PRKN: variants seen among roughly 807,000 people sequenced by gnomAD.
PRKN encodes the protein parkin RBR E3 ubiquitin protein ligase.
In PRKN, 56 loss-of-function variants were observed where a neutral mutation model predicts 59.5. The ratio of observed to expected loss-of-function variants is 0.94; its 90% CI spans 0.76 to 1.18. PRKN has a LOEUF of 1.18. PRKN is among the 50% of genes most tolerant of loss of function. The probability of loss-of-function intolerance (pLI) is 0.00; values close to 1 mark genes in which losing one functional copy is unlikely to be tolerated. For missense variants in PRKN, 657 were observed against 596.4 expected (o/e 1.10, Z -1.06); for synonymous variants, 250 against 222.1 (o/e 1.13, Z -1.12).
rs1226818678 is a variant in PRKN at position 161,359,864 on chromosome 6, T to C, written c.1285+224A>G. 6.6e-6 allele frequency among the ~76,000 whole-genome samples: 1 copy of C among 152,196 alleles called. No individual in the cohort carries two copies. The highest frequency in any genetic ancestry group is 6.5e-5 in the Admixed American group (1 of 15,276). ...TTTATTCCCTTTCCAACCACATAAA[T>C]GCTAACTGTGTGCCTCACATAGCCA... On this transcript the variant is annotated intron_variant, in intron 11 of 11. Transcript: ENST00000366898. The surrounding 1 kb of genome is among the most constrained non-coding windows in gnomAD (Gnocchi z 5.4).
At chr6:162,216,968 G>C (rs548282920) in intron 3 of PRKN, among the ~76,000 whole-genome samples, 37 of 152,254 alleles carry the variant, frequency 2.4e-4, no homozygotes, top group African/African-American at 8.9e-4. Flanking sequence ...AATTATACCA[G>C]GTGAAGCCTG....
At chr6:162,427,292 A>C (rs1048653919) in intron 2 of PRKN, among the ~76,000 whole-genome samples, 1 of 152,206 alleles carries the variant, frequency 6.6e-6, no homozygotes, top group African/African-American at 2.4e-5. Context: ...AGCTGAAGTT[A>C]TTGGTGCACA....
intron 2 of PRKN, 83 bp downstream of exon 2, chr6:162,443,227 G>C (rs1474196182): frequency 7.3e-7 from 1 of 1,377,024 alleles, no homozygotes; most frequent in Admixed American, 1.7e-5. Context: ...TAGATCTCAG[G>C]CATGAATGTC....
intron 2 of PRKN, among the ~76,000 whole-genome samples, chr6:162,282,279 A>G (rs1780941925): frequency 6.6e-6 from 1 of 152,188 alleles, no homozygotes; most frequent in Admixed American, 6.5e-5. Context: ...GATCCTGTCC[A>G]TATTACAGTC....
rs983927165 is a variant in PRKN, at chr6:161,457,475, A to G, written c.1084-70598T>C. ...ATACAACTGTATTCTGAAAGGATAC[A>G]TGGATGTCATATAAATAACTCAAAA... On this transcript the variant is annotated intron_variant, in intron 9 of 11. Transcript: ENST00000366898. This position sits in a 1 kb window ranked among gnomAD's most constrained non-coding sequence, Gnocchi z 5.0. Among the ~76,000 whole-genome samples the G allele has an allele frequency of 6.6e-6, 1 of 152,350 alleles. No homozygotes were observed. Among genetic ancestry groups the G allele is most frequent in the East Asian group, 1.9e-4 (1 of 5,186 alleles).
intron 1 of PRKN, among the ~76,000 whole-genome samples, chr6:162,535,366 T>A (rs761426613): frequency 6.6e-6 from 1 of 152,100 alleles, no homozygotes; most frequent in Non-Finnish European, 1.5e-5. Context: ...ATACTTAATA[T>A]TTTGTCCAAT....
intron 7 of PRKN, among the ~76,000 whole-genome samples, chr6:161,580,375 T>A (rs750136503): frequency 2.6e-5 from 4 of 152,156 alleles, no homozygotes; most frequent in Non-Finnish European, 5.9e-5. Context: ...GCGGCTCAGG[T>A]GACTGCACCA....
chr6:161,985,977 C>T (rs1398820933), intron 5 of PRKN, among the ~76,000 whole-genome samples: 1 of 152,202 alleles, frequency 6.6e-6, no homozygotes, highest in Admixed American at 6.5e-5. Context: ...TGGAGGCCTT[C>T]CTTGATCCTG....
At chr6:161,866,314 A>AC (rs1794108271) in intron 6 of PRKN, among the ~76,000 whole-genome samples, 1 of 152,124 alleles carries the variant, frequency 6.6e-6, no homozygotes, top group Admixed American at 6.5e-5. Flanking sequence ...AGTGACTCAC[A>AC]CCTGTAATCC....
intron 1 of PRKN, among the ~76,000 whole-genome samples, chr6:162,484,592 C>T (rs900412696): frequency 2.0e-5 from 3 of 152,152 alleles, no homozygotes; most frequent in Non-Finnish European, 4.4e-5. Context: ...GACACATTAA[C>T]GTAGAGATGT....
At chr6:162,250,938 A>G (rs1779408134) in intron 3 of PRKN, among the ~76,000 whole-genome samples, 1 of 152,154 alleles carries the variant, frequency 6.6e-6, no homozygotes, top group African/African-American at 2.4e-5. Flanking sequence ...AGTCTTCAAT[A>G]ACTTTTTTGT....
chr6:162,361,918 A>T (rs1239719369), intron 2 of PRKN, among the ~76,000 whole-genome samples: 1 of 152,186 alleles, frequency 6.6e-6, no homozygotes, highest in African/African-American at 2.4e-5. Flanking sequence ...AAAAGTACCA[A>T]ATAACCAAAG....
At chr6:161,521,063 G>A (rs769595453) in intron 9 of PRKN, among the ~76,000 whole-genome samples, 9 of 152,082 alleles carry the variant, frequency 5.9e-5, no homozygotes, top group South Asian at 4.1e-4. Context: ...TATTAATCCC[G>A]GGTCTTAAAT....
intron 9 of PRKN, among the ~76,000 whole-genome samples, chr6:161,523,857 T>C (rs1022085568): frequency 3.3e-5 from 5 of 152,160 alleles, no homozygotes; most frequent in African/African-American, 1.2e-4. Flanking sequence ...GCAAACCATT[T>C]TTCAAAATAC....
chr6:161,554,681 G>A lies in PRKN; in HGVS notation c.934-5678C>T, dbSNP rs570863167. 3.3e-5 allele frequency among the ~76,000 whole-genome samples: 5 copies of A among 149,698 alleles called. No homozygotes were observed. In the East Asian group the frequency reaches 9.9e-4, roughly 30 times the overall value. ...ATAGTTTCTTACAGTATACATATAA[G>A]GAATATACAATCCTGATATACATAC... On this transcript the variant is annotated intron_variant, in intron 8 of 11. Coordinates refer to ENST00000366898, the MANE Select transcript of PRKN (RefSeq NM_004562.3). This position sits in a 1 kb window ranked among gnomAD's most constrained non-coding sequence, Gnocchi z 4.5.
chr6:162,159,091 G>A (rs967589553), intron 4 of PRKN, among the ~76,000 whole-genome samples: 3 of 151,948 alleles, frequency 2.0e-5, no homozygotes, highest in African/African-American at 7.3e-5. Context: ...GAGCCCCTCT[G>A]GACCAGGCTC....
Position 161,401,520 on chromosome 6 carries a change from G to A in PRKN, c.1084-14643C>T, listed in dbSNP as rs944406992. ...CCCAGCTACTCAGGAGGCTGAGGCAGGAGAATTGCTTGAACCCAGGAGGCG... is the reference window on the plus strand; with the variant it reads ...CCCAGCTACTCAGGAGGCTGAGGCAAGAGAATTGCTTGAACCCAGGAGGCG... On this transcript the variant is annotated intron_variant, in intron 9 of 11. Coordinates refer to ENST00000366898, the MANE Select transcript of PRKN (RefSeq NM_004562.3). This position sits in a 1 kb window ranked among gnomAD's most constrained non-coding sequence, Gnocchi z 4.4. Among the ~76,000 whole-genome samples the A allele has an allele frequency of 6.6e-6, 1 of 152,096 alleles. No individual in the cohort carries two copies. Among genetic ancestry groups the A allele is most frequent in the Non-Finnish European group, 1.5e-5 (1 of 68,028 alleles).
intron 1 of PRKN, among the ~76,000 whole-genome samples, chr6:162,475,406 A>G (rs74753519): frequency 0.016 from 2,470 of 152,334 alleles, 42 homozygotes; most frequent in Middle Eastern, 0.041. Flanking sequence ...AGAACGAGAG[A>G]AATAACAGAG....
intron 7 of PRKN, among the ~76,000 whole-genome samples, chr6:161,756,730 C>A (rs533403655): frequency 7.2e-5 from 11 of 152,070 alleles, no homozygotes; most frequent in East Asian, 1.9e-4. Flanking sequence ...GTCCCAGCAA[C>A]CTCACTTCAA....
Sources: allele counts gnomAD v4.1 joint callset (sites outside exome capture counted in the v4.1 genomes callset), GRCh38; gene constraint gnomAD v4.1.1; non-coding constraint Gnocchi (gnomAD v3.1); transcripts MANE v1.5; gene names NCBI Gene and HGNC (gene_info 2026-07-23, HGNC 2026-07-21).